MAPRE2: variants seen among roughly 807,000 people sequenced by gnomAD.
MAPRE2 encodes microtubule-associated protein RP/EB family member 2.
In MAPRE2, 13 loss-of-function variants were observed where a neutral mutation model predicts 43.2. The ratio of observed to expected loss-of-function variants is 0.30; its 90% CI spans 0.20 to 0.48. MAPRE2 has a LOEUF of 0.48. Ranked by LOEUF, MAPRE2 falls within the 20% of genes least tolerant of loss-of-function variation. MAPRE2 has a pLI of 0.99. For missense variants in MAPRE2, 161 were observed against 400.2 expected (o/e 0.40, Z 5.10); for synonymous variants, 135 against 148.8 (o/e 0.91, Z 0.68).
At chr18:34,988,477 T>C (rs1047336648) in intron 1 of MAPRE2, 2 of 152,150 alleles carry the variant, frequency 1.3e-5, no homozygotes, top group African/African-American at 2.4e-5. Flanking sequence ...ATCTGTCAAA[T>C]AGAGAAAGCG....
chr18:35,025,257 G>T (rs983595494), intron 2 of MAPRE2, among the ~76,000 whole-genome samples: 5 of 152,184 alleles, frequency 3.3e-5, no homozygotes, highest in Admixed American at 1.3e-4. Context: ...AGTGTTTTGC[G>T]TGCAGAATGT....
intron 2 of MAPRE2, among the ~76,000 whole-genome samples, chr18:35,081,398 G>A (rs1907623744): frequency 6.6e-6 from 1 of 152,158 alleles, no homozygotes; most frequent in Non-Finnish European, 1.5e-5. Context: ...ACAATATTCT[G>A]TTAGTATCAC....
intron 1 of MAPRE2, among the ~76,000 whole-genome samples, chr18:34,982,953 T>C (rs1220641561): frequency 6.6e-6 from 1 of 152,216 alleles, no homozygotes; most frequent in African/African-American, 2.4e-5. Context: ...AAATAAAGTT[T>C]TATTGGACTG....
At chr18:34,985,613 T>C (rs1485499705) in intron 1 of MAPRE2, among the ~76,000 whole-genome samples, 1 of 95,550 alleles carries the variant, frequency 1.0e-5, no homozygotes, top group Non-Finnish European at 1.9e-5. Flanking sequence ...TGATATATTA[T>C]AATAATATAT....
intron 2 of MAPRE2, among the ~76,000 whole-genome samples, chr18:35,010,412 G>A (rs2097033950): frequency 6.6e-6 from 1 of 152,158 alleles, no homozygotes. Flanking sequence ...ACCTCACTAA[G>A]CTCCACTCTC....
intron 2 of MAPRE2, among the ~76,000 whole-genome samples, chr18:35,019,053 A>ATT (rs35863397): frequency 1.9e-4 from 29 of 151,018 alleles, no homozygotes; most frequent in African/African-American, 3.9e-4. Flanking sequence ...TTTTTTTAGA[A>ATT]TTTTTTTTTA....
intron 1 of MAPRE2, among the ~76,000 whole-genome samples, chr18:35,048,623 T>C (rs1905767397): frequency 6.7e-6 from 1 of 149,212 alleles, no homozygotes; most frequent in African/African-American, 2.4e-5. Context: ...GTATTTATAG[T>C]ATTAACACAT....
upstream of MAPRE2, chr18:35,041,349 G>T (rs1333384697): frequency 5.6e-6 from 8 of 1,439,528 alleles, no homozygotes; most frequent in South Asian, 1.4e-5. Context: ...TGCTGCTGCC[G>T]GCGCTCTGAC....
intron 2 of MAPRE2, among the ~76,000 whole-genome samples, chr18:35,027,917 C>T (rs747875963): frequency 1.3e-5 from 2 of 152,100 alleles, no homozygotes; most frequent in Non-Finnish European, 2.9e-5. Context: ...CCTCTCTTCC[C>T]CTCCCTCTCC....
At chr18:35,101,840 C>A in intron 3 of MAPRE2, 106 bp from the exon 4 acceptor site, 1 of 809,154 alleles carries the variant, frequency 1.2e-6, no homozygotes, top group Admixed American at 2.8e-5. Flanking sequence ...ACAGTGCTGC[C>A]ACAAACTTAC....
chr18:35,052,309 G>A (rs563315782), intron 1 of MAPRE2, among the ~76,000 whole-genome samples: 1 of 152,228 alleles, frequency 6.6e-6, no homozygotes, highest in East Asian at 1.9e-4. Context: ...TTATATAAAT[G>A]GGATCACAGA....
chr18:35,066,789 C>T (rs1445542626), intron 1 of MAPRE2, among the ~76,000 whole-genome samples: 3 of 152,316 alleles, frequency 2.0e-5, no homozygotes, highest in Non-Finnish European at 2.9e-5. Context: ...ATCGGAAAAG[C>T]TGGCTTGTTT....
At chr18:35,035,310 A>C (rs957696795) in intron 2 of MAPRE2, among the ~76,000 whole-genome samples, 1 of 151,400 alleles carries the variant, frequency 6.6e-6, no homozygotes, top group Non-Finnish European at 1.5e-5. Context: ...GGAATTGAAC[A>C]ATGAGAACAC....
chr18:35,138,566 A>G (rs1211905390), intron 6 of MAPRE2, among the ~76,000 whole-genome samples: 1 of 152,216 alleles, frequency 6.6e-6, no homozygotes, highest in African/African-American at 2.4e-5. Flanking sequence ...GAGTTCTCCC[A>G]CTAAGAAATA....
At chr18:35,065,845 C>T (rs1015524429) in intron 1 of MAPRE2, among the ~76,000 whole-genome samples, 3 of 152,304 alleles carry the variant, frequency 2.0e-5, no homozygotes, top group African/African-American at 4.8e-5. Context: ...TGAGCCACCG[C>T]GCCTGGCCTG....
chr18:35,037,908 G>T (rs577539593), upstream of MAPRE2, among the ~76,000 whole-genome samples: 1 of 152,180 alleles, frequency 6.6e-6, no homozygotes, highest in Non-Finnish European at 1.5e-5. Context: ...GCACAACAGG[G>T]TTGGGAGAGT....
At chr18:35,092,244 C>G (rs1046798182) in intron 2 of MAPRE2, among the ~76,000 whole-genome samples, 1 of 152,148 alleles carries the variant, frequency 6.6e-6, no homozygotes, top group Non-Finnish European at 1.5e-5. Context: ...GGACGCAGAT[C>G]CAAACCATAT....
chr18:34,980,023 C>CTTTTTTTTTTTTTTTTTT (rs1450524683), intron 1 of MAPRE2, among the ~76,000 whole-genome samples: 2 of 132,506 alleles, frequency 1.5e-5, no homozygotes, highest in African/African-American at 5.9e-5. Flanking sequence ...TTTTCTTTTT[C>CTTTTTTTTTTTTTTTTTT]TTTTTTTCTT....
At chr18:35,140,257 G>A (rs762497057) in intron 6 of MAPRE2, 38 bp from the exon 7 acceptor site, 2 of 1,589,688 alleles carry the variant, frequency 1.3e-6, no homozygotes, top group South Asian at 2.3e-5. Flanking sequence ...CCCATTCCCA[G>A]TCAATTATCT....
Sources: allele counts gnomAD v4.1 joint callset (sites outside exome capture counted in the v4.1 genomes callset), GRCh38; gene constraint gnomAD v4.1.1; transcripts MANE v1.5; gene names NCBI Gene and HGNC (gene_info 2026-07-23, HGNC 2026-07-21).